GRIN2B: variants seen among roughly 807,000 people sequenced by gnomAD.
GRIN2B encodes glutamate ionotropic receptor NMDA type subunit 2B.
A neutral mutation model predicts 114.5 loss-of-function variants in GRIN2B; 5 were observed. The observed-to-expected ratio is 0.04, with a 90% CI of 0.02 to 0.09. The LOEUF is 0.09. GRIN2B is among the 10% of genes least tolerant of loss of function. The pLI is 1.00. For missense variants in GRIN2B, 1,108 were observed against 1,943.5 expected, an observed-to-expected ratio of 0.57 and a Z score of 8.08; for synonymous variants, 787 against 745.1, an observed-to-expected ratio of 1.06 and a Z score of -0.92.
intron 4 of GRIN2B, among the ~76,000 whole-genome samples, chr12:13,716,917 T>C (rs1286112786): frequency 1.3e-5 from 2 of 151,984 alleles, no homozygotes; most frequent in Non-Finnish European, 2.9e-5. Flanking sequence ...CTTAGTTCTT[T>C]GACCTAATGC....
chr12:13,774,914 G>A lies in GRIN2B; in HGVS notation c.412-20999C>T, dbSNP rs140932351. 5.9e-5 allele frequency among the ~76,000 whole-genome samples: 9 copies of A among 152,126 alleles called. No individual in the cohort carries two copies. In the East Asian group the frequency reaches 1.2e-3, roughly 20 times the overall value. ...AAAATGAATGAAAACAAATATATGCGGCATAGGAAAGGAAGAGATCACATG... is the reference window on the plus strand; with the variant it reads ...AAAATGAATGAAAACAAATATATGCAGCATAGGAAAGGAAGAGATCACATG... On this transcript the variant is annotated intron_variant, in intron 3 of 13. Coordinates refer to ENST00000609686, the MANE Select transcript of GRIN2B (RefSeq NM_000834.5).
chr12:13,875,098 G>C (rs1370973479), intron 2 of GRIN2B, among the ~76,000 whole-genome samples: 1 of 151,904 alleles, frequency 6.6e-6, no homozygotes, highest in Non-Finnish European at 1.5e-5. Flanking sequence ...ACAGGCCCCA[G>C]TGTGTATTTT....
At chr12:13,843,975 G>A (rs1459161769) in intron 3 of GRIN2B, among the ~76,000 whole-genome samples, 1 of 152,150 alleles carries the variant, frequency 6.6e-6, no homozygotes, top group Admixed American at 6.5e-5. Flanking sequence ...CTCTGGAGTA[G>A]GCCAAAACCT....
chr12:13,588,273 C>T (rs1238576623), intron 10 of GRIN2B, among the ~76,000 whole-genome samples: 3 of 152,122 alleles, frequency 2.0e-5, no homozygotes, highest in Non-Finnish European at 4.4e-5. Flanking sequence ...TAAAATAAAA[C>T]GTTTCTCTTT....
chr12:13,547,981 A>ATATATATATATATATATATATTTTTTTTT lies in GRIN2B; in HGVS notation c.*14801_*14802insAAAAAAAAATATATATATATATATATATA. ...TGTGTATATATATATATATATATAT[A>ATATATATATATATATATATATTTTTTTTT]TTTTTTTTTTTTTTCTGAAAGCTAC... On this transcript the variant is annotated 3_prime_UTR_variant, in exon 14 of 14. Coordinates refer to ENST00000609686, the MANE Select transcript of GRIN2B (RefSeq NM_000834.5). 2 of 68,590 alleles carry ATATATATATATATATATATATTTTTTTTT rather than the reference A, an allele frequency of 2.9e-5. No individual in the cohort carries two copies. The highest frequency in any genetic ancestry group is 4.6e-5 in the African/African-American group (1 of 21,778). The allele number at this position is 68,590 out of a possible 1,614,324, so 4.2% of individuals were successfully genotyped here.
intron 2 of GRIN2B, among the ~76,000 whole-genome samples, chr12:13,971,854 G>C (rs1862923770): frequency 6.6e-6 from 1 of 152,154 alleles, no homozygotes; most frequent in African/African-American, 2.4e-5. Context: ...GCCAGTGTTA[G>C]TGTTGAGAGA....
intron 10 of GRIN2B, among the ~76,000 whole-genome samples, chr12:13,576,882 T>C (rs566069707): frequency 1.3e-5 from 2 of 152,300 alleles, no homozygotes; most frequent in South Asian, 4.1e-4. Context: ...CCTTTGGTCA[T>C]AGAGCTTCCT....
Position 13,540,306 on chromosome 12 carries a change from A to G in GRIN2B, c.*22477T>C, listed in dbSNP as rs780540810. 6 of 152,216 alleles carry G rather than the reference A, an allele frequency of 3.9e-5. No individual in the cohort carries two copies. The highest frequency in any genetic ancestry group is 7.2e-5 in the African/African-American group (3 of 41,464). 9.4% of individuals were successfully genotyped at this position (152,216 alleles called of 1,614,324 possible). A position where few individuals can be genotyped will look rare whatever the true frequency, so the allele number is the denominator to read the frequency against. ...TATAAAGTGACAGAAATAATTTGCC[A>G]TTAGAAAAGAGAAAGAATCTTTGAC... is the stretch of plus-strand genomic sequence containing the variant. On this transcript the variant is annotated 3_prime_UTR_variant, in exon 14 of 14. Transcript: ENST00000609686.
chr12:13,825,496 T>TTTTTGTGTGTG (rs375940899), intron 3 of GRIN2B, among the ~76,000 whole-genome samples: 52 of 122,992 alleles, frequency 4.2e-4, no homozygotes, highest in African/African-American at 1.5e-3. Context: ...TATATATATT[T>TTTTTGTGTGTG]TGTGTGTGTG....
At chr12:13,899,597 G>C (rs1385842450) in intron 2 of GRIN2B, among the ~76,000 whole-genome samples, 1 of 143,704 alleles carries the variant, frequency 7.0e-6, no homozygotes, top group Admixed American at 6.9e-5. Context: ...CATTAAATCT[G>C]ATTATTTCCT....
intron 4 of GRIN2B, among the ~76,000 whole-genome samples, chr12:13,722,452 T>C (rs1054866748): frequency 6.6e-6 from 1 of 152,046 alleles, no homozygotes; most frequent in Non-Finnish European, 1.5e-5. Context: ...TGGTCTCTAG[T>C]AGAAGCAGGG....
chr12:13,975,461 A>C (rs937529221), intron 2 of GRIN2B, among the ~76,000 whole-genome samples: 2 of 152,240 alleles, frequency 1.3e-5, no homozygotes, highest in African/African-American at 4.8e-5. Flanking sequence ...ATACAACCTT[A>C]GGAAAATCAC....
rs560391400 is a variant in GRIN2B at position 13,718,471 on chromosome 12, G to T, written c.1010+34846C>A. ...CGGACTGGACCGAGGCAGTTCCAAA[G>T]ATGAAGGGGTGGGGTGAGGAGAAGC... On this transcript the variant is annotated intron_variant, in intron 4 of 13. Coordinates refer to ENST00000609686, the MANE Select transcript of GRIN2B (RefSeq NM_000834.5). 2.6e-5 allele frequency among the ~76,000 whole-genome samples: 4 copies of T among 152,134 alleles called. No individual in the cohort carries two copies. The East Asian group carries it at 7.8e-4, about 30-fold the overall frequency.
At chr12:13,624,859 C>T (rs1338460859) in intron 5 of GRIN2B, among the ~76,000 whole-genome samples, 2 of 152,168 alleles carry the variant, frequency 1.3e-5, no homozygotes, top group Non-Finnish European at 2.9e-5. Context: ...TAGGCACTGC[C>T]CTCTGAGTGA....
chr12:13,622,064 A>G (rs933981633), intron 5 of GRIN2B, among the ~76,000 whole-genome samples: 4 of 152,290 alleles, frequency 2.6e-5, no homozygotes, highest in Admixed American at 6.5e-5. Flanking sequence ...CAGTCCTTGC[A>G]TAGATTAGCA....
chr12:13,861,875 G>A (rs1000241018), intron 3 of GRIN2B, among the ~76,000 whole-genome samples: 3 of 152,142 alleles, frequency 2.0e-5, no homozygotes, highest in Admixed American at 2.0e-4. Context: ...GCTCCACATG[G>A]CCTTCAGCTT....
intron 4 of GRIN2B, among the ~76,000 whole-genome samples, chr12:13,705,627 T>A (rs530287053): frequency 6.6e-6 from 1 of 152,266 alleles, no homozygotes; most frequent in South Asian, 2.1e-4. Context: ...ATTTTTGTTT[T>A]CACCAAAAAT....
intron 3 of GRIN2B, among the ~76,000 whole-genome samples, chr12:13,828,419 A>C (rs1312191732): frequency 1.3e-5 from 2 of 152,122 alleles, no homozygotes; most frequent in African/African-American, 4.8e-5. Flanking sequence ...CCAGACATGG[A>C]ATTTCACCTA....
At chr12:13,882,372 T>C (rs1866084785) in intron 2 of GRIN2B, among the ~76,000 whole-genome samples, 1 of 151,974 alleles carries the variant, frequency 6.6e-6, no homozygotes. Context: ...TCCCCGTCAA[T>C]CAAGAGGAGG....
Sources: gnomAD v4.1 joint callset for allele counts (sites outside exome capture counted in the v4.1 genomes callset) on GRCh38, gnomAD v4.1.1 for gene constraint, MANE v1.5 for transcripts, NCBI Gene and HGNC (gene_info 2026-07-23, HGNC 2026-07-21) for gene names.